Variants in ATG10 observed in about 807,000 individuals in gnomAD.
The protein encoded by ATG10 is autophagy related 10.
ATG10 carries 30 observed loss-of-function variants against 32.1 expected under a neutral mutation model. The ratio of observed to expected loss-of-function variants is 0.94; its 90% CI spans 0.70 to 1.27. The LOEUF (loss-of-function observed/expected upper bound fraction) is 1.27. ATG10 is among the 50% of genes most tolerant of loss of function. The pLI is 0.00. For synonymous variants in ATG10, 87 were observed against 91.5 expected, an observed-to-expected ratio of 0.95 and a Z score of 0.28; for missense variants, 233 against 262.3, an observed-to-expected ratio of 0.89 and a Z score of 0.77.
At chr5:82,187,323 T>A (rs1234338143) in intron 5 of ATG10, among the ~76,000 whole-genome samples, 1 of 151,748 alleles carries the variant, frequency 6.6e-6, no homozygotes, top group Non-Finnish European at 1.5e-5. Context: ...CCAGCCTGGC[T>A]AACATGGGGA....
chr5:82,123,381 A>G (rs909761150), intron 3 of ATG10, among the ~76,000 whole-genome samples: 1 of 152,036 alleles, frequency 6.6e-6, no homozygotes, highest in African/African-American at 2.4e-5. Flanking sequence ...GGAGGGTGAA[A>G]AGAGGAAGAG....
intron 2 of ATG10, among the ~76,000 whole-genome samples, chr5:81,996,008 G>A (rs773784328): frequency 1.3e-5 from 2 of 152,168 alleles, no homozygotes; most frequent in African/African-American, 2.4e-5. Context: ...CGATTCTGCT[G>A]CGATTGCTAA....
At chr5:82,013,039 G>T (rs1302789759) in intron 2 of ATG10, among the ~76,000 whole-genome samples, 1 of 149,672 alleles carries the variant, frequency 6.7e-6, no homozygotes, top group South Asian at 2.1e-4. Context: ...TTGGCTCACT[G>T]CAACCTGCAC....
At chr5:82,016,426 T>G (rs1247850927) in intron 2 of ATG10, among the ~76,000 whole-genome samples, 2 of 152,292 alleles carry the variant, frequency 1.3e-5, no homozygotes, top group Non-Finnish European at 2.9e-5. Context: ...TCTGTGCTGT[T>G]CTGTTGGTCT....
At chr5:82,038,872 G>T (rs1763008418) in intron 2 of ATG10, among the ~76,000 whole-genome samples, 1 of 152,178 alleles carries the variant, frequency 6.6e-6, no homozygotes, top group South Asian at 2.1e-4. Context: ...AATTTAGACT[G>T]AATCTTGCTC....
intron 5 of ATG10, among the ~76,000 whole-genome samples, chr5:82,232,533 A>T (rs1006896731): frequency 6.6e-6 from 1 of 152,186 alleles, no homozygotes; most frequent in South Asian, 2.1e-4. Flanking sequence ...TAGTTGGGTA[A>T]TATATATTAA....
Position 82,252,559 on chromosome 5 carries a change from C to G in ATG10, c.454-3C>G. ...GATCCTGGACCAATTCTGATTCTTA[C>G]AGGAACATCCAATACTTGGGCAACC... On this transcript the variant is annotated splice_polypyrimidine_tract_variant and splice_region_variant and intron_variant, in intron 5 of 7. Coordinates refer to ENST00000282185, the MANE Select transcript of ATG10 (RefSeq NM_031482.5). 1 of 1,585,268 alleles carries G rather than the reference C, an allele frequency of 6.3e-7. No homozygotes were observed. Among genetic ancestry groups the G allele is most frequent in the Non-Finnish European group, 8.7e-7 (1 of 1,155,934 alleles).
chr5:82,223,428 A>G (rs1746002220), intron 5 of ATG10, among the ~76,000 whole-genome samples: 1 of 152,216 alleles, frequency 6.6e-6, no homozygotes, highest in African/African-American at 2.4e-5. Flanking sequence ...TGGTCATATT[A>G]TCAATCCTTA....
At chr5:82,128,029 TTAC>T (rs1766351140) in intron 3 of ATG10, among the ~76,000 whole-genome samples, 10 of 152,178 alleles carry the variant, frequency 6.6e-5, no homozygotes, top group African/African-American at 2.2e-4. Flanking sequence ...CCCTTTACCA[TTAC>T]ATAATGCCCT....
chr5:81,983,477 C>T (rs1396711922), intron 1 of ATG10, among the ~76,000 whole-genome samples: 1 of 142,396 alleles, frequency 7.0e-6, no homozygotes, highest in Non-Finnish European at 1.5e-5. Context: ...CCCCCCACCT[C>T]CCTCCCGGAC....
At chr5:82,014,148 T>A (rs550634876) in intron 2 of ATG10, among the ~76,000 whole-genome samples, 337 of 152,300 alleles carry the variant, frequency 2.2e-3, no homozygotes, top group African/African-American at 7.8e-3. Flanking sequence ...TTTGAGTGAG[T>A]TTCTTAATCC....
chr5:82,046,825 T>G (rs560475635), intron 2 of ATG10, among the ~76,000 whole-genome samples: 1 of 152,308 alleles, frequency 6.6e-6, no homozygotes, highest in African/African-American at 2.4e-5. Flanking sequence ...TTCCATTTAA[T>G]AAAATATAAA....
chr5:82,139,960 G>C (rs1213081842), intron 3 of ATG10, among the ~76,000 whole-genome samples: 1 of 127,644 alleles, frequency 7.8e-6, no homozygotes, highest in African/African-American at 3.0e-5. Context: ...CCCTCCGCCC[G>C]GCCAGCCGCC....
chr5:82,050,839 C>CAAAAAAAA (rs71000881), intron 2 of ATG10, among the ~76,000 whole-genome samples: 3 of 36,294 alleles, frequency 8.3e-5, no homozygotes, highest in African/African-American at 1.2e-4. Context: ...CCATCTCTAC[C>CAAAAAAAA]AAAAAAAAAA....
intron 5 of ATG10, among the ~76,000 whole-genome samples, chr5:82,212,863 GTGGTTC>G (rs1745544538): frequency 1.3e-5 from 2 of 152,222 alleles, no homozygotes; most frequent in South Asian, 4.2e-4. Flanking sequence ...CTCTCCCTAG[GTGGTTC>G]TATCCAGTTC....
At chr5:82,190,773 CAAAAAAAAAAAAAAAAA>C (rs35513819) in intron 5 of ATG10, among the ~76,000 whole-genome samples, 2 of 53,656 alleles carry the variant, frequency 3.7e-5, no homozygotes, top group Admixed American at 3.4e-4. Flanking sequence ...GACTCCATCT[CAAAAAAAAAAAAAAAAA>C]AAAAAAAAAA....
chr5:82,080,067 G>A (rs1438616213), intron 3 of ATG10, among the ~76,000 whole-genome samples: 3 of 152,180 alleles, frequency 2.0e-5, no homozygotes, highest in African/African-American at 7.2e-5. Flanking sequence ...TCTAACTGGT[G>A]TGAGATGGTA....
intron 5 of ATG10, among the ~76,000 whole-genome samples, chr5:82,215,556 CAT>C (rs1486177731): frequency 5.3e-5 from 8 of 152,120 alleles, no homozygotes; most frequent in Non-Finnish European, 1.2e-4. Context: ...AATTAAATGT[CAT>C]GTTTGTTAAG....
At chr5:82,164,626 A>G in intron 4 of ATG10, 89 bp downstream of exon 4, 4 of 1,302,000 alleles carry the variant, frequency 3.1e-6, no homozygotes, top group Non-Finnish European at 4.3e-6. Context: ...CCAGAGGAAA[A>G]AAAATAGAGT....
Sources: allele counts gnomAD v4.1 joint callset (sites outside exome capture counted in the v4.1 genomes callset), GRCh38; gene constraint gnomAD v4.1.1; transcripts MANE v1.5; gene names NCBI Gene and HGNC (gene_info 2026-07-23, HGNC 2026-07-21).